GRM5: variants seen among roughly 807,000 people sequenced by gnomAD.
GRM5 encodes the protein glutamate metabotropic receptor 5.
GRM5 carries 19 observed loss-of-function variants against 83.1 expected under a neutral mutation model. The ratio of observed to expected loss-of-function variants is 0.23; its 90% CI spans 0.16 to 0.34. The LOEUF (loss-of-function observed/expected upper bound fraction) is 0.34. Ranked by LOEUF, GRM5 falls within the 10% of genes least tolerant of loss-of-function variation. The probability of loss-of-function intolerance (pLI) is 1.00; values close to 1 mark genes in which losing one functional copy is unlikely to be tolerated. For missense variants in GRM5, 1,160 were observed against 1,588.3 expected, an observed-to-expected ratio of 0.73 and a Z score of 4.58; for synonymous variants, 675 against 633.6, an observed-to-expected ratio of 1.07 and a Z score of -0.98.
chr11:88,544,413 T>C (rs922830318), intron 8 of GRM5, among the ~76,000 whole-genome samples: 2 of 152,238 alleles, frequency 1.3e-5, no homozygotes, highest in African/African-American at 2.4e-5. Context: ...TAGACTTTTC[T>C]ACTCCTTGTA....
chr11:89,037,801 C>T (rs530243008), intron 2 of GRM5, among the ~76,000 whole-genome samples: 6 of 152,014 alleles, frequency 3.9e-5, no homozygotes, highest in African/African-American at 1.4e-4. Context: ...TCATGTGTAT[C>T]GGTTACATTT....
intron 2 of GRM5, among the ~76,000 whole-genome samples, chr11:88,949,636 C>T (rs187093156): frequency 3.0e-4 from 45 of 152,066 alleles, no homozygotes; most frequent in African/African-American, 7.0e-4. Context: ...AAAATAATAA[C>T]GCATAGATTT....
At chr11:89,009,929 A>AAAAAAAAAAAAAATAAAC (rs752780249) in intron 2 of GRM5, among the ~76,000 whole-genome samples, 1 of 102,334 alleles carries the variant, frequency 9.8e-6, no homozygotes. Flanking sequence ...AAAAAAAAAA[A>AAAAAAAAAAAAAATAAAC]ACACACACAA....
At chr11:88,903,350 G>A (rs1424321154) in intron 2 of GRM5, among the ~76,000 whole-genome samples, 1 of 152,126 alleles carries the variant, frequency 6.6e-6, no homozygotes, top group South Asian at 2.1e-4. Context: ...ATTTCTCAAA[G>A]AACTAAAAAT....
At chr11:88,548,577 C>G (rs886209351) in intron 8 of GRM5, among the ~76,000 whole-genome samples, 6 of 152,130 alleles carry the variant, frequency 3.9e-5, no homozygotes, top group Non-Finnish European at 7.4e-5. Context: ...TATTACGGAG[C>G]CAAACCATTT....
chr11:88,738,769 G>A (rs1941969469), intron 3 of GRM5, among the ~76,000 whole-genome samples: 1 of 152,026 alleles, frequency 6.6e-6, no homozygotes, highest in South Asian at 2.1e-4. Context: ...ATGAAATCAT[G>A]ACATTTTGTC....
At chr11:88,560,566 TAGGACAA>T (rs896902711) in intron 8 of GRM5, among the ~76,000 whole-genome samples, 1 of 152,192 alleles carries the variant, frequency 6.6e-6, no homozygotes, top group African/African-American at 2.4e-5. Context: ...CTTATATTTT[TAGGACAA>T]AGCATTATCA....
At chr11:89,023,758 G>A (rs1057394079) in intron 2 of GRM5, among the ~76,000 whole-genome samples, 3 of 152,040 alleles carry the variant, frequency 2.0e-5, no homozygotes, top group African/African-American at 7.2e-5. Context: ...GCTGAGGCAG[G>A]AGAATTGCTT....
Position 88,577,014 on chromosome 11 carries a change from A to C in GRM5, c.1691-9022T>G, listed in dbSNP as rs534899298. Among the ~76,000 whole-genome samples the C allele has an allele frequency of 2.0e-5, 3 of 152,206 alleles. No individual in the cohort carries two copies. In the South Asian group the frequency reaches 6.2e-4, roughly 32 times the overall value. On this transcript the variant is annotated intron_variant, in intron 7 of 9. Transcript: ENST00000305447. ...CCTACTGTAGCTGGTCATCCATCCA[A>C]ATGTTCAATAACTTTCTGATTTTGT...
chr11:88,816,934 A>T (rs904976009), intron 3 of GRM5, among the ~76,000 whole-genome samples: 3 of 152,204 alleles, frequency 2.0e-5, no homozygotes, highest in Non-Finnish European at 4.4e-5. Context: ...GAAGAAACAG[A>T]TAACTCTAAC....
At chr11:88,733,083 A>G (rs796451418) in intron 3 of GRM5, among the ~76,000 whole-genome samples, 1 of 152,004 alleles carries the variant, frequency 6.6e-6, no homozygotes, top group African/African-American at 2.4e-5. Flanking sequence ...TATAACAGCA[A>G]ATGGAAAAAT....
chr11:88,937,993 A>G (rs190154464), intron 2 of GRM5, among the ~76,000 whole-genome samples: 6 of 151,866 alleles, frequency 4.0e-5, no homozygotes, highest in Admixed American at 1.3e-4. Flanking sequence ...TGATGCCTAG[A>G]GCTGAAAATA....
intron 3 of GRM5, among the ~76,000 whole-genome samples, chr11:88,739,063 A>G (rs1255605971): frequency 2.6e-5 from 4 of 152,056 alleles, no homozygotes; most frequent in East Asian, 1.9e-4. Flanking sequence ...AAAATTACGT[A>G]TTTCATAGCA....
At chr11:88,841,671 A>C (rs1296691356) in intron 3 of GRM5, among the ~76,000 whole-genome samples, 1 of 152,218 alleles carries the variant, frequency 6.6e-6, no homozygotes, top group Non-Finnish European at 1.5e-5. Flanking sequence ...CTGCAGCTGC[A>C]GACCGGAATC....
intron 3 of GRM5, among the ~76,000 whole-genome samples, chr11:88,706,914 A>G (rs1941172772): frequency 6.6e-6 from 1 of 152,076 alleles, no homozygotes; most frequent in Non-Finnish European, 1.5e-5. Flanking sequence ...CTTGAAGTTG[A>G]CGATCTTATA....
At chr11:88,556,025 A>T (rs1591345139) in intron 8 of GRM5, among the ~76,000 whole-genome samples, 1 of 152,156 alleles carries the variant, frequency 6.6e-6, no homozygotes, top group East Asian at 1.9e-4. Flanking sequence ...CCCTGAGGAA[A>T]GTTTGACTTC....
intron 4 of GRM5, among the ~76,000 whole-genome samples, chr11:88,611,521 C>T (rs917212485): frequency 2.6e-5 from 4 of 152,278 alleles, no homozygotes; most frequent in Middle Eastern, 3.4e-3. Flanking sequence ...TGACAATAGT[C>T]TCTGAGGATA....
chr11:88,525,127 C>T (rs763522621), intron 9 of GRM5, among the ~76,000 whole-genome samples, 182 bp downstream of exon 9: 1 of 152,164 alleles, frequency 6.6e-6, no homozygotes, highest in Non-Finnish European at 1.5e-5. Flanking sequence ...GCTCCCATTA[C>T]TACACATGAG....
At chr11:88,785,503 A>G (rs2135467909) in intron 3 of GRM5, among the ~76,000 whole-genome samples, 1 of 152,250 alleles carries the variant, frequency 6.6e-6, no homozygotes, top group Non-Finnish European at 1.5e-5. Context: ...ATTACTTATG[A>G]CCTCAAAACA....
Sources: allele counts gnomAD v4.1 joint callset (sites outside exome capture counted in the v4.1 genomes callset), GRCh38; gene constraint gnomAD v4.1.1; transcripts MANE v1.5; gene names NCBI Gene and HGNC (gene_info 2026-07-23, HGNC 2026-07-21).